GABRA1: variants seen among roughly 807,000 people sequenced by gnomAD.
The protein encoded by GABRA1 is gamma-aminobutyric acid receptor subunit alpha-1.
A neutral mutation model predicts 48.9 loss-of-function variants in GABRA1; 9 were observed. The observed-to-expected ratio is 0.18, with a 90% CI of 0.11 to 0.32. The LOEUF (loss-of-function observed/expected upper bound fraction) is 0.32. GABRA1 is among the 10% of genes least tolerant of loss of function. The pLI is 1.00. For synonymous variants in GABRA1, 210 were observed against 198.7 expected, an observed-to-expected ratio of 1.06 and a Z score of -0.48; for missense variants, 285 against 553.8, an observed-to-expected ratio of 0.51 and a Z score of 4.87.
At chr5:161,883,939 C>T (rs1754727455) in intron 7 of GABRA1, among the ~76,000 whole-genome samples, 1 of 151,796 alleles carries the variant, frequency 6.6e-6, no homozygotes, top group Non-Finnish European at 1.5e-5. Context: ...ATCCAAGTGG[C>T]ATAGTGGAAA....
chr5:161,865,094 A>G (rs1264054620), intron 3 of GABRA1, among the ~76,000 whole-genome samples: 1 of 152,112 alleles, frequency 6.6e-6, no homozygotes, highest in Non-Finnish European at 1.5e-5. Flanking sequence ...GAACAATATA[A>G]TAAAATCACA....
intron 4 of GABRA1, among the ~76,000 whole-genome samples, chr5:161,869,143 T>G (rs1390865369): frequency 6.6e-6 from 1 of 152,128 alleles, no homozygotes; most frequent in Admixed American, 6.6e-5. Flanking sequence ...CAATCAAAAT[T>G]AGAAGGCAGA....
intron 3 of GABRA1, among the ~76,000 whole-genome samples, chr5:161,855,599 A>G (rs1174069366): frequency 6.6e-6 from 1 of 151,538 alleles, no homozygotes. Flanking sequence ...TGTATATGAT[A>G]TGTTAAAACA....
intron 3 of GABRA1, among the ~76,000 whole-genome samples, chr5:161,862,105 T>TA (rs891260557): frequency 7.2e-5 from 11 of 151,834 alleles, no homozygotes; most frequent in African/African-American, 2.7e-4. Flanking sequence ...CCATTTTTTT[T>TA]ATTACAGTCA....
At chr5:161,874,750 G>A (rs534204917) in intron 5 of GABRA1, among the ~76,000 whole-genome samples, 96 of 151,964 alleles carry the variant, frequency 6.3e-4, no homozygotes, top group African/African-American at 2.1e-3. Context: ...ATCTTACTAC[G>A]TTTCTTGAGC....
intron 4 of GABRA1, 76 bp from the exon 5 acceptor site, chr5:161,873,041 T>C: frequency 3.5e-6 from 4 of 1,158,482 alleles, no homozygotes; most frequent in Non-Finnish European, 5.2e-6. Flanking sequence ...GCAAAAATTA[T>C]GCACTGTCTG....
At chr5:161,864,211 T>G (rs929374467) in intron 3 of GABRA1, among the ~76,000 whole-genome samples, 1 of 152,024 alleles carries the variant, frequency 6.6e-6, no homozygotes, top group African/African-American at 2.4e-5. Context: ...TTTTTTTCTT[T>G]TATTATTATA....
At chr5:161,890,604 C>A (rs963483329) in intron 7 of GABRA1, among the ~76,000 whole-genome samples, 1 of 151,914 alleles carries the variant, frequency 6.6e-6, no homozygotes. Flanking sequence ...ATTGGAAAGC[C>A]AATCCTTAAA....
chr5:161,879,020 T>C (rs1358501552), intron 6 of GABRA1, among the ~76,000 whole-genome samples: 1 of 152,190 alleles, frequency 6.6e-6, no homozygotes, highest in East Asian at 1.9e-4. Flanking sequence ...TTAGCAACTC[T>C]CCTGATACTA....
intron 7 of GABRA1, among the ~76,000 whole-genome samples, chr5:161,885,523 C>A (rs1754806030): frequency 6.6e-6 from 1 of 152,156 alleles, no homozygotes; most frequent in Admixed American, 6.6e-5. Context: ...TTACCTGCCA[C>A]CAACACATGG....
intron 2 of GABRA1, among the ~76,000 whole-genome samples, chr5:161,851,313 A>T (rs1235501355): frequency 6.6e-6 from 1 of 152,168 alleles, no homozygotes; most frequent in Non-Finnish European, 1.5e-5. Context: ...TTTAAATAAT[A>T]TCTGTTATTT....
At chr5:161,868,766 C>T (rs1046794982) in intron 4 of GABRA1, among the ~76,000 whole-genome samples, 1 of 152,144 alleles carries the variant, frequency 6.6e-6, no homozygotes, top group African/African-American at 2.4e-5. Context: ...AGGTGACATG[C>T]CTTTGAGTTA....
chr5:161,873,998 A>C (rs1301309698), intron 5 of GABRA1, among the ~76,000 whole-genome samples: 3 of 152,182 alleles, frequency 2.0e-5, no homozygotes, highest in African/African-American at 7.2e-5. Context: ...AAAAAAAGAG[A>C]TGTTTAAAAG....
At chr5:161,876,729 T>A (rs983469484) in intron 6 of GABRA1, among the ~76,000 whole-genome samples, 1 of 152,154 alleles carries the variant, frequency 6.6e-6, no homozygotes, top group African/African-American at 2.4e-5. Flanking sequence ...TTAATATACA[T>A]TCCTTAATAT....
Position 161,898,228 on chromosome 5 carries a change from C to T in GABRA1, c.*806C>T, listed in dbSNP as rs542030537. On this transcript the variant is annotated 3_prime_UTR_variant, in exon 10 of 10. Coordinates refer to ENST00000393943, the MANE Select transcript of GABRA1 (RefSeq NM_001127644.2). ...AAACTAAAATAGTTTAAAAATATTCCCTTTTTCACCCTATTTTCAGATAGC... is the reference window on the plus strand; with the variant it reads ...AAACTAAAATAGTTTAAAAATATTCTCTTTTTCACCCTATTTTCAGATAGC... The T allele has an allele frequency of 6.6e-6, 1 of 152,610 alleles. No individual in the cohort carries two copies. The highest frequency in any genetic ancestry group is 1.9e-4 in the East Asian group (1 of 5,184). The allele number at this position is 152,610 out of a possible 1,614,324, so 9.5% of individuals were successfully genotyped here. A position where few individuals can be genotyped will look rare whatever the true frequency, so the allele number is the denominator to read the frequency against.
chr5:161,898,606 G>A lies in GABRA1; in HGVS notation c.*1184G>A, dbSNP rs1755478560. 6.6e-6 allele frequency: 1 copy of A among 152,248 alleles called. No homozygotes were observed. Among genetic ancestry groups the A allele is most frequent in the Non-Finnish European group, 1.5e-5 (1 of 67,982 alleles). 9.4% of individuals were successfully genotyped at this position (152,248 alleles called of 1,614,324 possible). A position where few individuals can be genotyped will look rare whatever the true frequency, so the allele number is the denominator to read the frequency against. Reference sequence around the variant, plus strand: ...CACATGGAACTTAAAACATATGGGTGTGAAGTCCACTTATGTAGACAAAAC... The same window carrying A: ...CACATGGAACTTAAAACATATGGGTATGAAGTCCACTTATGTAGACAAAAC... On this transcript the variant is annotated 3_prime_UTR_variant, in exon 10 of 10. Transcript: ENST00000393943.
chr5:161,878,044 T>C (rs1264302010), intron 6 of GABRA1, among the ~76,000 whole-genome samples: 1 of 152,220 alleles, frequency 6.6e-6, no homozygotes, highest in East Asian at 1.9e-4. Context: ...ACTTTTGTAT[T>C]GCCTGGAGAC....
At chr5:161,883,262 G>A (rs565309490) in intron 7 of GABRA1, among the ~76,000 whole-genome samples, 17 of 152,150 alleles carry the variant, frequency 1.1e-4, no homozygotes, top group South Asian at 8.3e-4. Context: ...AGCATCTTCC[G>A]CAGCTAAAGC....
chr5:161,890,510 G>A (rs538889392), intron 7 of GABRA1, among the ~76,000 whole-genome samples: 1 of 152,106 alleles, frequency 6.6e-6, no homozygotes, highest in South Asian at 2.1e-4. Flanking sequence ...GCTCTGTAAT[G>A]GACACACTGG....
Sources: allele counts gnomAD v4.1 joint callset (sites outside exome capture counted in the v4.1 genomes callset), GRCh38; gene constraint gnomAD v4.1.1; transcripts MANE v1.5; gene names NCBI Gene and HGNC (gene_info 2026-07-23, HGNC 2026-07-21).